Variants in PCDHA1 observed in about 807,000 individuals in gnomAD.
PCDHA1 encodes protocadherin alpha-1.
PCDHA1 carries 42 observed loss-of-function variants against 61.3 expected under a neutral mutation model. The observed-to-expected ratio is 0.69, with a 90% CI of 0.54 to 0.89. PCDHA1 has a LOEUF of 0.89. Ranked by LOEUF, PCDHA1 falls within the 40% of genes least tolerant of loss-of-function variation. The pLI is 0.00. For missense variants in PCDHA1, 1,256 were observed against 1,235.3 expected (o/e 1.02, Z -0.25); for synonymous variants, 610 against 553.8 (o/e 1.10, Z -1.43).
At chr5:140,803,035 C>T (rs781793277) in intron 1 of PCDHA1, 28 of 1,613,900 alleles carry the variant, frequency 1.7e-5, no homozygotes, top group Admixed American at 5.0e-5. Context: ...GAGCTGCAGC[C>T]TGGGACCGGC....
chr5:140,801,506 C>T, intron 1 of PCDHA1: 1 of 1,614,184 alleles, frequency 6.2e-7, no homozygotes. Context: ...CGGAGTGCAG[C>T]ATCCACCTGG....
chr5:140,829,605 C>A (rs2150171072), intron 1 of PCDHA1: 1 of 1,612,104 alleles, frequency 6.2e-7, no homozygotes, highest in Non-Finnish European at 8.5e-7. Context: ...CGCGCGTTGT[C>A]GAGCTACATT....
At chr5:140,913,379 C>T (rs1554195889) in intron 1 of PCDHA1, among the ~76,000 whole-genome samples, 1 of 152,134 alleles carries the variant, frequency 6.6e-6, no homozygotes, top group Non-Finnish European at 1.5e-5. Context: ...CATATAGTGG[C>T]TCATCATAGC....
rs2150240382 is a variant in PCDHA1, at chr5:140,835,640, C to A, written c.2394+46956C>A. On this transcript the variant is annotated intron_variant, in intron 1 of 3. Transcript: ENST00000504120. ...GCGCTCTGGACCGCGAGAGTGTGTC[C>A]GCCTATGAGCTGGTGGTTACCGCGC... The A allele has an allele frequency of 2.4e-5, 38 of 1,613,888 alleles. 2 individuals are homozygous for A. The highest frequency in any genetic ancestry group is 3.2e-5 in the Non-Finnish European group (38 of 1,179,872).
intron 1 of PCDHA1, among the ~76,000 whole-genome samples, chr5:140,891,953 T>G (rs1056816293): frequency 6.6e-6 from 1 of 152,238 alleles, no homozygotes; most frequent in African/African-American, 2.4e-5. Flanking sequence ...GCTCCAGAAT[T>G]GTGAGAAGTA....
At chr5:140,850,644 C>T in intron 1 of PCDHA1, 1 of 1,598,664 alleles carries the variant, frequency 6.3e-7, no homozygotes, top group Non-Finnish European at 8.6e-7. Flanking sequence ...CACGCTGCTG[C>T]TGTACACTGT....
chr5:140,814,401 A>G (rs1765508125), intron 1 of PCDHA1: 2 of 151,200 alleles, frequency 1.3e-5, no homozygotes, highest in East Asian at 1.9e-4. Flanking sequence ...TTCTAGTGGA[A>G]TACTTCCCAA....
At chr5:140,796,987 G>A in intron 1 of PCDHA1, 3 of 1,613,764 alleles carry the variant, frequency 1.9e-6, no homozygotes, top group South Asian at 1.1e-5. Context: ...AAGTGGCCAG[G>A]CACCCAAGGC....
At chr5:140,977,023 G>T (rs1554238168) in intron 1 of PCDHA1, among the ~76,000 whole-genome samples, 1 of 152,148 alleles carries the variant, frequency 6.6e-6, no homozygotes, top group Non-Finnish European at 1.5e-5. Flanking sequence ...TCTGTCAAAT[G>T]AATCTAAGAA....
intron 1 of PCDHA1, among the ~76,000 whole-genome samples, chr5:140,790,675 C>T (rs999253860): frequency 2.6e-5 from 4 of 152,192 alleles, no homozygotes; most frequent in Admixed American, 6.5e-5. Context: ...AATAATTTCT[C>T]TTTCCAATTC....
At chr5:140,923,434 G>A (rs1461886077) in intron 1 of PCDHA1, among the ~76,000 whole-genome samples, 1 of 152,088 alleles carries the variant, frequency 6.6e-6, no homozygotes, top group Non-Finnish European at 1.5e-5. Context: ...AGGCTGGGGT[G>A]GGAGGATCAC....
rs1554206991 is a variant in PCDHA1, at chr5:140,929,323, A to G, written c.2395-49626A>G. 4 of 1,540,320 alleles carry G rather than the reference A, an allele frequency of 2.6e-6. No homozygotes were observed. In the Admixed American group the frequency reaches 8.1e-5, roughly 31 times the overall value. On this transcript the variant is annotated intron_variant, in intron 1 of 3. Transcript: ENST00000504120. ...AGGGGATCACGCTAATGTCAATGCC[A>G]TGGTAAGCAAATTTTATGGAATTTG...
chr5:140,796,816 G>T lies in PCDHA1; in HGVS notation c.2394+8132G>T, dbSNP rs782509295. The T allele has an allele frequency of 3.1e-6, 5 of 1,614,122 alleles. No individual in the cohort carries two copies. The Admixed American group carries it at 8.3e-5, about 27-fold the overall frequency. On this transcript the variant is annotated intron_variant, in intron 1 of 3. Coordinates refer to ENST00000504120, the MANE Select transcript of PCDHA1 (RefSeq NM_018900.4). ...CGAGCTTCAGCTGGGTACTGGCAGC[G>T]CTCGCATCCCGTTCCGCGTGGGGCT...
chr5:140,848,874 A>G (rs2040648635), intron 1 of PCDHA1: 2 of 1,590,884 alleles, frequency 1.3e-6, no homozygotes, highest in East Asian at 2.2e-5. Flanking sequence ...GAAGGACATT[A>G]ACGACAACCC....
chr5:140,991,121 C>G (rs1220661100), intron 3 of PCDHA1, among the ~76,000 whole-genome samples: 1 of 152,184 alleles, frequency 6.6e-6, no homozygotes, highest in Non-Finnish European at 1.5e-5. Context: ...TTCTTACATT[C>G]ACACAGCTAG....
chr5:140,877,118 T>C, intron 1 of PCDHA1: 1 of 1,613,690 alleles, frequency 6.2e-7, no homozygotes, highest in South Asian at 1.1e-5. Flanking sequence ...GGCAGCAACG[T>C]GACGCTGCAG....
At chr5:140,802,567 A>G in intron 1 of PCDHA1, 1 of 1,613,466 alleles carries the variant, frequency 6.2e-7, no homozygotes, top group Admixed American at 1.7e-5. Context: ...GCATTCTCGC[A>G]GTCCGAGTAC....
At chr5:140,928,208 A>AT (rs1436614514) in intron 1 of PCDHA1, 2 of 1,614,110 alleles carry the variant, frequency 1.2e-6, no homozygotes, top group Non-Finnish European at 1.7e-6. Flanking sequence ...GCTGATGTGA[A>AT]TGACAATACA....
chr5:140,894,821 C>T, intron 1 of PCDHA1, among the ~76,000 whole-genome samples: 1 of 151,806 alleles, frequency 6.6e-6, no homozygotes, highest in Non-Finnish European at 1.5e-5. Context: ...TCAGATTTGC[C>T]CATAATCCTT....
Sources: allele counts gnomAD v4.1 joint callset (sites outside exome capture counted in the v4.1 genomes callset), GRCh38; gene constraint gnomAD v4.1.1; transcripts MANE v1.5; gene names NCBI Gene and HGNC (gene_info 2026-07-23, HGNC 2026-07-21).